The following HEYL variants were observed in gnomAD, a reference collection of about 807,000 sequenced individuals.
HEYL encodes the protein hes related family bHLH transcription factor with YRPW motif like, also known as hairy/enhancer-of-split related with YRPW motif-like protein.
In HEYL, 12 loss-of-function variants were observed where a neutral mutation model predicts 18.6. That is an observed-to-expected ratio of 0.65 (90% CI 0.41 to 1.05). The LOEUF is 1.05. Among genes scored for constraint, HEYL ranks in the 50% least tolerant of loss-of-function variants. HEYL has a pLI of 0.00. For missense variants in HEYL, 420 were observed against 444.7 expected, an observed-to-expected ratio of 0.94 and a Z score of 0.50; for synonymous variants, 159 against 179.6, an observed-to-expected ratio of 0.89 and a Z score of 0.91.
intron 1 of HEYL, chr1:39,633,628 C>T: frequency 6.6e-6 from 1 of 152,592 alleles, no homozygotes; most frequent in Non-Finnish European, 1.5e-5. Context: ...CTCAACTCAG[C>T]TCCAGTGGGC....
rs544674309 is a variant in HEYL, at chr1:39,625,356, C to T, written c.*1151G>A. 6.6e-6 allele frequency: 1 copy of T among 152,398 alleles called. No individual in the cohort carries two copies. The highest frequency in any genetic ancestry group is 2.4e-5 in the African/African-American group (1 of 41,586). The allele number at this position is 152,398 out of a possible 1,614,324, so 9.4% of individuals were successfully genotyped here. A position where few individuals can be genotyped will look rare whatever the true frequency, so the allele number is the denominator to read the frequency against. On this transcript the variant is annotated 3_prime_UTR_variant, in exon 5 of 5. Transcript: ENST00000372852. ...AGGGTGGAGCCGGGGAATGAAATGG[C>T]TTCTGAGCAGAGCCAGCTCTGTGGA...
intron 1 of HEYL, among the ~76,000 whole-genome samples, chr1:39,637,040 G>T (rs1180558224): frequency 6.6e-6 from 1 of 152,214 alleles, no homozygotes; most frequent in Non-Finnish European, 1.5e-5. Context: ...AGGGGTAAAA[G>T]TCACTGGCCA....
At chr1:39,627,277 A>C in intron 4 of HEYL, 97 bp from the exon 5 acceptor site, 1 of 1,118,374 alleles carries the variant, frequency 8.9e-7, no homozygotes, top group South Asian at 1.6e-5. Flanking sequence ...TCCTCCACTC[A>C]CTCCCTGGGC....
In HEYL at chr1:39,626,513, AG is replaced by A; in HGVS notation, c.980del (p.Ala327ValfsTer39). The A allele has an allele frequency of 6.6e-7, 1 of 1,520,814 alleles. No individual in the cohort carries two copies. The highest frequency in any genetic ancestry group is 8.8e-7 in the Non-Finnish European group (1 of 1,135,430). The allele number at this position is 1,520,814 out of a possible 1,614,324, so 94.2% of individuals were successfully genotyped here. On this transcript the variant is annotated frameshift_variant, in exon 5 of 5. Transcript: ENST00000372852. LOFTEE classifies it high-confidence loss of function. ...GGGGTGGTGAAGGGGCAGCTCAGAAAGCCCCGATTTCAGTGATTTCAGAGAC... is the reference window on the plus strand; with the variant it reads ...GGGGTGGTGAAGGGGCAGCTCAGAAACCCCGATTTCAGTGATTTCAGAGAC... ...SWVSEITEIG[A>X]F is the part of the protein sequence containing the mutation.
At chr1:39,637,362 C>A (rs1646366474) in intron 1 of HEYL, among the ~76,000 whole-genome samples, 1 of 152,216 alleles carries the variant, frequency 6.6e-6, no homozygotes. Flanking sequence ...TTGCGCCCTG[C>A]CCCTGACCCC....
At chr1:39,638,135 C>T (rs1244001387) in intron 1 of HEYL, among the ~76,000 whole-genome samples, 2 of 152,222 alleles carry the variant, frequency 1.3e-5, no homozygotes, top group Non-Finnish European at 2.9e-5. Context: ...AAGGCTAATA[C>T]GTTGCATAGC....
chr1:39,638,488 C>T (rs1207622235), intron 1 of HEYL, among the ~76,000 whole-genome samples: 3 of 152,210 alleles, frequency 2.0e-5, no homozygotes, highest in African/African-American at 7.2e-5. Context: ...ACTGAATTCC[C>T]CTCCAATTCT....
rs1003982545 is a variant in HEYL, at chr1:39,625,329, C to G, written c.*1178G>C. On this transcript the variant is annotated 3_prime_UTR_variant, in exon 5 of 5. Transcript: ENST00000372852. ...TGTTTCCTCTGTTAGAAAAAGTGGC[C>G]TAGGGTGGAGCCGGGGAATGAAATG... 6.6e-5 allele frequency: 10 copies of G among 152,214 alleles called. No homozygotes were observed. Among genetic ancestry groups the G allele is most frequent in the African/African-American group, 2.4e-4 (10 of 41,440 alleles). 9.4% of individuals were successfully genotyped at this position (152,214 alleles called of 1,614,324 possible).
At chr1:39,631,620 C>A in intron 2 of HEYL, 41 bp from the exon 3 acceptor site, 1 of 1,555,114 alleles carries the variant, frequency 6.4e-7, no homozygotes. Flanking sequence ...GGTGTGTCAT[C>A]ACAGTTTCCA....
chr1:39,636,307 C>T (rs1184450474), intron 1 of HEYL, among the ~76,000 whole-genome samples: 1 of 151,428 alleles, frequency 6.6e-6, no homozygotes, highest in Non-Finnish European at 1.5e-5. Context: ...TACTCTGTCA[C>T]CCAGGCTGGA....
intron 4 of HEYL, among the ~76,000 whole-genome samples, chr1:39,629,236 T>C (rs1482589276): frequency 2.0e-5 from 3 of 152,250 alleles, no homozygotes; most frequent in African/African-American, 7.2e-5. Context: ...TATCCACATA[T>C]TAGTCACTAC....
At chr1:39,632,048 A>G (rs1455777506) in intron 2 of HEYL, among the ~76,000 whole-genome samples, 1 of 152,198 alleles carries the variant, frequency 6.6e-6, no homozygotes, top group African/African-American at 2.4e-5. Flanking sequence ...GTAGCAGAAC[A>G]CCGGGAGCAG....
intron 4 of HEYL, among the ~76,000 whole-genome samples, chr1:39,629,789 T>C (rs1297235154): frequency 1.3e-5 from 2 of 152,224 alleles, no homozygotes; most frequent in African/African-American, 2.4e-5. Flanking sequence ...GTGAGCATGA[T>C]ATGTCACCCC....
chr1:39,633,152 C>G, intron 1 of HEYL: 3 of 981,526 alleles, frequency 3.1e-6, no homozygotes, highest in Non-Finnish European at 3.6e-6. Flanking sequence ...GCCGGGCGCG[C>G]CGGCCGCCCG....
Position 39,639,590 on chromosome 1 carries a change from C to G in HEYL, c.36G>C (p.Gly12=). 1 of 1,579,656 alleles carries G rather than the reference C, an allele frequency of 6.3e-7. No individual in the cohort carries two copies. Among genetic ancestry groups the G allele is most frequent in the African/African-American group, 1.4e-5 (1 of 71,186 alleles). Residue 12 remains glycine, a synonymous_variant, in exon 1 of 5, where the codon GGG becomes GGC. Transcript: ENST00000372852. ...CCACGTCGATGGGTCCGTCGGACTCCCCGTCGGAGCCGCTCGGCTCCTTGG... is the reference window on the plus strand; with the variant it reads ...CCACGTCGATGGGTCCGTCGGACTCGCCGTCGGAGCCGCTCGGCTCCTTGG... ...KRPKEPSGSD[G]ESDGPIDVGQ...
chr1:39,636,301 C>G (rs1646362351), intron 1 of HEYL, among the ~76,000 whole-genome samples: 1 of 150,468 alleles, frequency 6.6e-6, no homozygotes, highest in African/African-American at 2.4e-5. Context: ...GAGTCTTACT[C>G]TGTCACCCAG....
At chr1:39,637,619 C>T (rs1646367740) in intron 1 of HEYL, among the ~76,000 whole-genome samples, 1 of 152,170 alleles carries the variant, frequency 6.6e-6, no homozygotes, top group African/African-American at 2.4e-5. Flanking sequence ...TATAAGTCAG[C>T]CTCTGCCAGA....
chr1:39,632,849 C>G, intron 1 of HEYL, 134 bp from the exon 2 acceptor site: 3 of 1,512,512 alleles, frequency 2.0e-6, no homozygotes, highest in South Asian at 2.6e-5. Context: ...CCTGGGGGCT[C>G]ATTTCAACCC....
chr1:39,626,383 C>T lies in HEYL; in HGVS notation c.*124G>A. 2 of 847,398 alleles carry T rather than the reference C, an allele frequency of 2.4e-6. No homozygotes were observed. The highest frequency in any genetic ancestry group is 6.6e-5 in the Admixed American group (2 of 30,196). 52.5% of individuals were successfully genotyped at this position (847,398 alleles called of 1,614,324 possible). On this transcript the variant is annotated 3_prime_UTR_variant, in exon 5 of 5. Transcript: ENST00000372852. ...TGGAGGAGGAGGGGGCCTCTGATGGCTGGAGAACGTGCCTTCACATATGAG... is the reference window on the plus strand; with the variant it reads ...TGGAGGAGGAGGGGGCCTCTGATGGTTGGAGAACGTGCCTTCACATATGAG...
Sources: allele counts gnomAD v4.1 joint callset (sites outside exome capture counted in the v4.1 genomes callset), GRCh38; gene constraint gnomAD v4.1.1; transcripts MANE v1.5; gene names NCBI Gene and HGNC (gene_info 2026-07-23, HGNC 2026-07-21).